Variants in ASTN2 observed in about 807,000 individuals in gnomAD.
ASTN2 encodes the protein astrotactin 2, also known as astrotactin-2.
ASTN2 carries 54 observed loss-of-function variants against 139.8 expected under a neutral mutation model. The observed-to-expected ratio is 0.39, with a 90% CI of 0.31 to 0.48. ASTN2 has a LOEUF of 0.48. ASTN2 is among the 20% of genes least tolerant of loss of function. ASTN2 has a pLI of 0.95. For synonymous variants in ASTN2, 756 were observed against 719.5 expected, an observed-to-expected ratio of 1.05 and a Z score of -0.81; for missense variants, 1,565 against 1,725.1, an observed-to-expected ratio of 0.91 and a Z score of 1.64.
At chr9:117,405,971 T>C (rs1254116915) in intron 1 of ASTN2, among the ~76,000 whole-genome samples, 1 of 152,208 alleles carries the variant, frequency 6.6e-6, no homozygotes, top group African/African-American at 2.4e-5. Context: ...GGGAAGGCTC[T>C]GTGGGATGGA....
At chr9:116,697,692 T>A in intron 16 of ASTN2, 1 of 1,610,718 alleles carries the variant, frequency 6.2e-7, no homozygotes, top group African/African-American at 1.3e-5. Flanking sequence ...GCATGAATAC[T>A]GTGCTGTTCA....
chr9:116,440,549 A>C, intron 22 of ASTN2, 60 bp downstream of exon 22: 1 of 1,542,708 alleles, frequency 6.5e-7, no homozygotes, highest in Non-Finnish European at 8.9e-7. Flanking sequence ...GAAAGGGTCC[A>C]GAAAAGTCAA....
At chr9:117,358,904 G>C (rs1468619941) in intron 1 of ASTN2, among the ~76,000 whole-genome samples, 1 of 151,976 alleles carries the variant, frequency 6.6e-6, no homozygotes, top group African/African-American at 2.4e-5. Context: ...TTTCTGCAAA[G>C]GCCTACCCAA....
At chr9:116,895,254 A>C (rs568653975) in intron 10 of ASTN2, among the ~76,000 whole-genome samples, 1 of 152,360 alleles carries the variant, frequency 6.6e-6, no homozygotes, top group South Asian at 2.1e-4. Flanking sequence ...GGCTATATGC[A>C]TAAGGTGTAT....
chr9:117,064,506 G>A (rs10817989), intron 5 of ASTN2, among the ~76,000 whole-genome samples: 12,392 of 152,222 alleles, frequency 0.081, 576 homozygotes, highest in South Asian at 0.18. Flanking sequence ...TGGCAGCAAC[G>A]TAAATGGAAC....
rs758998663 is a variant in ASTN2 at position 117,141,462 on chromosome 9, A to G, written c.1032T>C (p.Thr344=). The G allele has an allele frequency of 1.5e-6, 2 of 1,367,180 alleles. No homozygotes were observed. The highest frequency in any genetic ancestry group is 2.0e-6 in the Non-Finnish European group (2 of 1,021,792). The allele number at this position is 1,367,180 out of a possible 1,614,324, so 84.7% of individuals were successfully genotyped here. A position where few individuals can be genotyped will look rare whatever the true frequency, so the allele number is the denominator to read the frequency against. ...DFEKKAAAEA[T]QETVESLMQK... ...GCATCAGGGACTCCACTGTCTCCTGAGTCGCCTCAGCTGCTGCTATAAGGT... is the reference window on the plus strand; with the variant it reads ...GCATCAGGGACTCCACTGTCTCCTGGGTCGCCTCAGCTGCTGCTATAAGGT... Residue 344 remains threonine (T), a synonymous_variant, in exon 4 of 23, where the codon ACT becomes ACC. Transcript: ENST00000313400.
At chr9:116,652,963 T>TA (rs1310037059) in intron 16 of ASTN2, among the ~76,000 whole-genome samples, 1 of 152,216 alleles carries the variant, frequency 6.6e-6, no homozygotes, top group Admixed American at 6.5e-5. Flanking sequence ...ATTCCAATGT[T>TA]ACTGTCTTTA....
chr9:117,335,781 GA>G (rs536894920), intron 1 of ASTN2, among the ~76,000 whole-genome samples: 2 of 149,320 alleles, frequency 1.3e-5, no homozygotes, highest in African/African-American at 2.5e-5. Flanking sequence ...AGAGCAAGAA[GA>G]AAAAAAAAGG....
At chr9:117,401,293 G>A (rs1158580643) in intron 1 of ASTN2, among the ~76,000 whole-genome samples, 4 of 152,124 alleles carry the variant, frequency 2.6e-5, no homozygotes, top group Non-Finnish European at 4.4e-5. Flanking sequence ...CACACTCCCT[G>A]CCTCCAAATA....
rs574339512 is a variant in ASTN2, at chr9:116,759,604, G to A, written c.2397-26081C>T. On this transcript the variant is annotated intron_variant, in intron 13 of 22. Transcript: ENST00000313400. ...TTCTTTCTGCTTGTATACTGATGAC[G>A]CTTTTACTTCATTCATGCCTCTGCT... 5.7e-4 allele frequency among the ~76,000 whole-genome samples: 87 copies of A among 152,106 alleles called. 1 individual carries two copies. Among genetic ancestry groups the A allele is most frequent in the African/African-American group, 2.0e-3 (81 of 41,474 alleles).
chr9:117,209,672 A>G (rs1457002046), intron 3 of ASTN2, among the ~76,000 whole-genome samples: 3 of 152,118 alleles, frequency 2.0e-5, no homozygotes, highest in Admixed American at 2.0e-4. Flanking sequence ...ACAAAGAAAG[A>G]TCATATTTAA....
intron 19 of ASTN2, among the ~76,000 whole-genome samples, chr9:116,530,454 C>T (rs1265008742): frequency 6.6e-6 from 1 of 151,532 alleles, no homozygotes; most frequent in African/African-American, 2.4e-5. Context: ...ATATTGTATG[C>T]TTGAAAATTG....
At chr9:117,102,785 G>C (rs554381249) in intron 4 of ASTN2, among the ~76,000 whole-genome samples, 1 of 152,076 alleles carries the variant, frequency 6.6e-6, no homozygotes, top group Admixed American at 6.5e-5. Context: ...GCCTCCCAAA[G>C]TGCTGGGATT....
intron 10 of ASTN2, among the ~76,000 whole-genome samples, chr9:116,928,316 T>C (rs1834813973): frequency 6.6e-6 from 1 of 152,164 alleles, no homozygotes; most frequent in Non-Finnish European, 1.5e-5. Flanking sequence ...GACACCAAAG[T>C]CCAGCAATTT....
intron 1 of ASTN2, among the ~76,000 whole-genome samples, chr9:117,351,546 T>C (rs961266400): frequency 3.3e-5 from 5 of 152,208 alleles, no homozygotes; most frequent in African/African-American, 1.2e-4. Flanking sequence ...CTTGCCTGAC[T>C]ACACAAACAA....
At chr9:116,732,691 G>C (rs528155232) in intron 14 of ASTN2, among the ~76,000 whole-genome samples, 1 of 152,182 alleles carries the variant, frequency 6.6e-6, no homozygotes, top group Non-Finnish European at 1.5e-5. Flanking sequence ...GGGTTGGACA[G>C]AAAATATGGA....
chr9:116,793,141 T>C (rs1830601333), intron 13 of ASTN2, among the ~76,000 whole-genome samples: 1 of 151,740 alleles, frequency 6.6e-6, no homozygotes, highest in African/African-American at 2.4e-5. Flanking sequence ...CAAAAAATAA[T>C]AAAATAAAAC....
At chr9:116,805,908 CA>C (rs1831018533) in intron 12 of ASTN2, 88 bp from the exon 13 acceptor site, 1 of 1,315,796 alleles carries the variant, frequency 7.6e-7, no homozygotes, top group East Asian at 2.3e-5. Context: ...CCTTTCCCTG[CA>C]AAACAGGTCA....
chr9:116,451,343 A>G (rs1383980645), intron 20 of ASTN2, among the ~76,000 whole-genome samples: 1 of 152,190 alleles, frequency 6.6e-6, no homozygotes, highest in South Asian at 2.1e-4. Context: ...TGTATCTCCA[A>G]TACCTGAGGA....
Sources: gnomAD v4.1 joint callset for allele counts (sites outside exome capture counted in the v4.1 genomes callset) on GRCh38, gnomAD v4.1.1 for gene constraint, MANE v1.5 for transcripts, NCBI Gene and HGNC (gene_info 2026-07-23, HGNC 2026-07-21) for gene names.